Variants in SEMA3A observed in about 807,000 individuals in gnomAD.
SEMA3A encodes semaphorin-3A.
Under a neutral mutation model 97.9 loss-of-function variants are expected in SEMA3A, and 29 were observed. That is an observed-to-expected ratio of 0.30 (90% CI 0.22 to 0.40). SEMA3A has a LOEUF of 0.40. SEMA3A is among the 10% of genes least tolerant of loss of function. The probability of loss-of-function intolerance (pLI) is 1.00; values close to 1 mark genes in which losing one functional copy is unlikely to be tolerated. For synonymous variants in SEMA3A, 321 were observed against 323.7 expected (o/e 0.99, Z 0.09); for missense variants, 763 against 951.3 (o/e 0.80, Z 2.60).
At chr7:84,220,984 A>C (rs1468813507) in intron 3 of SEMA3A, among the ~76,000 whole-genome samples, 1 of 152,142 alleles carries the variant, frequency 6.6e-6, no homozygotes, top group African/African-American at 2.4e-5. Flanking sequence ...TAGCTATCAA[A>C]ATCTTGGATG....
chr7:84,061,292 A>G (rs1315798961), intron 4 of SEMA3A, among the ~76,000 whole-genome samples: 2 of 152,212 alleles, frequency 1.3e-5, no homozygotes, highest in Non-Finnish European at 2.9e-5. Flanking sequence ...TTGACTACCT[A>G]TAAAAAATAT....
At chr7:84,417,433 A>G (rs1804466259) in intron 1 of SEMA3A, among the ~76,000 whole-genome samples, 1 of 152,104 alleles carries the variant, frequency 6.6e-6, no homozygotes, top group South Asian at 2.1e-4. Context: ...TTCTGAAAAA[A>G]TAAACTGATA....
chr7:84,000,039 T>G (rs1490404027), intron 12 of SEMA3A, among the ~76,000 whole-genome samples: 1 of 152,092 alleles, frequency 6.6e-6, no homozygotes, highest in Non-Finnish European at 1.5e-5. Context: ...CATTCACTCA[T>G]TTAATACATG....
chr7:84,266,312 T>TTAAAAA (rs1799999733), intron 3 of SEMA3A, among the ~76,000 whole-genome samples: 1 of 37,032 alleles, frequency 2.7e-5, no homozygotes, highest in African/African-American at 1.0e-4. Context: ...AGATTTGGTC[T>TTAAAAA]CAAAAAAAAA....
chr7:84,487,098 T>C (rs1806592865), intron 1 of SEMA3A, among the ~76,000 whole-genome samples: 1 of 152,170 alleles, frequency 6.6e-6, no homozygotes, highest in Non-Finnish European at 1.5e-5. Context: ...GCAATGATAA[T>C]ATTAAAAATT....
intron 12 of SEMA3A, among the ~76,000 whole-genome samples, chr7:83,999,554 A>T (rs1790355903): frequency 6.6e-6 from 1 of 152,156 alleles, no homozygotes; most frequent in Non-Finnish European, 1.5e-5. Context: ...AACACATCAG[A>T]GTCTTTGAGC....
chr7:83,972,554 C>T (rs776474775), intron 15 of SEMA3A, among the ~76,000 whole-genome samples: 8 of 151,992 alleles, frequency 5.3e-5, no homozygotes, highest in Non-Finnish European at 7.4e-5. Context: ...GTTTCATTTA[C>T]TTTTCCCCAA....
upstream of SEMA3A, among the ~76,000 whole-genome samples, chr7:84,199,309 CACCTT>C (rs1798302589): frequency 6.6e-6 from 1 of 152,130 alleles, no homozygotes; most frequent in South Asian, 2.1e-4. Context: ...TTCTGCAAAT[CACCTT>C]CCATACCCAT....
At chr7:84,225,936 A>G (rs570548175) in intron 3 of SEMA3A, among the ~76,000 whole-genome samples, 6 of 152,110 alleles carry the variant, frequency 3.9e-5, no homozygotes, top group Non-Finnish European at 8.8e-5. Context: ...CCAAGTTTAA[A>G]CATTATTATT....
chr7:84,001,391 G>C (rs1169320383), intron 12 of SEMA3A, among the ~76,000 whole-genome samples: 1 of 150,080 alleles, frequency 6.7e-6, no homozygotes, highest in Non-Finnish European at 1.5e-5. Context: ...TCAGGATAAA[G>C]GGACAAATAT....
intron 4 of SEMA3A, among the ~76,000 whole-genome samples, chr7:84,066,524 A>G (rs1328491234): frequency 6.7e-6 from 1 of 149,230 alleles, no homozygotes; most frequent in Non-Finnish European, 1.5e-5. Flanking sequence ...AGAAAACCCC[A>G]TTGTCTCAGC....
chr7:84,449,745 C>A (rs182709074), intron 1 of SEMA3A, among the ~76,000 whole-genome samples: 3 of 152,220 alleles, frequency 2.0e-5, no homozygotes, highest in Non-Finnish European at 4.4e-5. Flanking sequence ...ATTTCCCCCT[C>A]ACCATGTCCT....
At chr7:84,041,635 T>C (rs1360951561) in intron 6 of SEMA3A, among the ~76,000 whole-genome samples, 4 of 152,130 alleles carry the variant, frequency 2.6e-5, no homozygotes, top group African/African-American at 7.2e-5. Flanking sequence ...TACTTACTCA[T>C]AGAATACATA....
At chr7:84,432,035 T>C (rs1473643006) in intron 1 of SEMA3A, among the ~76,000 whole-genome samples, 1 of 152,074 alleles carries the variant, frequency 6.6e-6, no homozygotes, top group East Asian at 1.9e-4. Context: ...AGGGAGACTG[T>C]GGATTATTGA....
rs148393799 is a variant in SEMA3A at position 84,392,972 on chromosome 7, A to C, written c.-245-21072T>G. 2.3e-3 allele frequency among the ~76,000 whole-genome samples: 348 copies of C among 152,114 alleles called. 1 individual carries two copies. Among genetic ancestry groups the C allele is most frequent in the Non-Finnish European group, 3.2e-3 (216 of 67,966 alleles). On this transcript the variant is annotated intron_variant, in intron 1 of 3. Coordinates refer to the SEMA3A transcript ENST00000424555. ...CTTATCAGATGTATGACTTGCCAATATTTTCTACCAATCCTTAGGTTGTCT... is the reference window on the plus strand; with the variant it reads ...CTTATCAGATGTATGACTTGCCAATCTTTTCTACCAATCCTTAGGTTGTCT...
At chr7:84,188,166 G>C (rs923477708) in intron 1 of SEMA3A, among the ~76,000 whole-genome samples, 2 of 151,886 alleles carry the variant, frequency 1.3e-5, no homozygotes, top group African/African-American at 4.8e-5. Flanking sequence ...TAAAATGTGT[G>C]GTTCCTTTAA....
chr7:84,424,787 A>T (rs1360087514), intron 1 of SEMA3A, among the ~76,000 whole-genome samples: 1 of 101,514 alleles, frequency 9.9e-6, no homozygotes, highest in East Asian at 3.2e-4. Context: ...TAATATTTAT[A>T]TATAAATAAT....
At chr7:84,297,598 G>A (rs898199544) in intron 3 of SEMA3A, among the ~76,000 whole-genome samples, 3 of 152,100 alleles carry the variant, frequency 2.0e-5, no homozygotes, top group East Asian at 1.9e-4. Flanking sequence ...TTTGTGCAAT[G>A]ATCTACAAGT....
intron 2 of SEMA3A, among the ~76,000 whole-genome samples, chr7:84,345,109 T>C (rs1802265116): frequency 2.6e-5 from 4 of 152,176 alleles, no homozygotes; most frequent in African/African-American, 9.7e-5. Context: ...AATATCTCAA[T>C]AGAGCAAGTC....
Sources: gnomAD v4.1 joint callset for allele counts (sites outside exome capture counted in the v4.1 genomes callset) on GRCh38, gnomAD v4.1.1 for gene constraint, MANE v1.5 for transcripts, NCBI Gene and HGNC (gene_info 2026-07-23, HGNC 2026-07-21) for gene names.